Variants in GALNT17 observed in about 807,000 individuals in gnomAD.
The protein encoded by GALNT17 is UDP-GalNAc:polypeptide N-acetylgalactosaminyltransferase-like 3.
GALNT17 carries 29 observed loss-of-function variants against 63.7 expected under a neutral mutation model. That is an observed-to-expected ratio of 0.46 (90% CI 0.34 to 0.62). GALNT17 has a LOEUF of 0.62. Ranked by LOEUF, GALNT17 falls within the 20% of genes least tolerant of loss-of-function variation. GALNT17 has a pLI of 0.01. For missense variants in GALNT17, 603 were observed against 799.6 expected (o/e 0.75, Z 2.97); for synonymous variants, 305 against 318.3 (o/e 0.96, Z 0.45).
At chr7:71,329,903 G>GTA (rs1212568684) in intron 1 of GALNT17, among the ~76,000 whole-genome samples, 16 of 139,232 alleles carry the variant, frequency 1.1e-4, no homozygotes, top group Non-Finnish European at 1.7e-4. Context: ...ATATATATAT[G>GTA]TATATATATA....
At chr7:71,680,503 C>T (rs867348409) in intron 9 of GALNT17, among the ~76,000 whole-genome samples, 623 of 14,852 alleles carry the variant, frequency 0.042, no homozygotes, top group South Asian at 0.074. Context: ...TCCCTCTCTC[C>T]CTTCCTCCCT....
chr7:71,217,927 C>CAA (rs35568352), intron 1 of GALNT17, among the ~76,000 whole-genome samples: 48,084 of 142,432 alleles, frequency 0.34, 8,696 homozygotes, highest in South Asian at 0.52. Context: ...GACTCCGTCT[C>CAA]AAAAAAAAAA....
chr7:71,641,100 A>C lies in GALNT17; in HGVS notation c.1081-24311A>C, dbSNP rs543910338. Among the ~76,000 whole-genome samples the C allele has an allele frequency of 7.4e-4, 113 of 152,298 alleles. 1 individual carries two copies. Among genetic ancestry groups the C allele is most frequent in the African/African-American group, 2.6e-3 (108 of 41,562 alleles). On this transcript the variant is annotated intron_variant, in intron 6 of 10. Transcript: ENST00000333538. ...GGGAGCTGGGATGCAAGCAGCCCAG[A>C]CCAGAGGTCTGTCATTGGGAACCTG...
rs1563047568 is a variant in GALNT17, at chr7:71,377,112, A to AT, written c.423-11123_423-11122insT. 1.2e-4 allele frequency among the ~76,000 whole-genome samples: 7 copies of AT among 57,240 alleles called. 1 individual carries two copies. The East Asian group carries it at 1.7e-3, about 14-fold the overall frequency. The allele number at this position is 57,240 out of a possible 152,430, so 37.6% of individuals were successfully genotyped here. On this transcript the variant is annotated intron_variant, in intron 2 of 10. Coordinates refer to ENST00000333538, the MANE Select transcript of GALNT17 (RefSeq NM_022479.3). ...AAAAAAAAAAAAAATAAAAATAAAAAAAATATATATATATATATATATATA... is the reference window on the plus strand; with the variant it reads ...AAAAAAAAAAAAAATAAAAATAAAAATAAATATATATATATATATATATATA...
chr7:71,570,606 A>G (rs763192975), intron 5 of GALNT17, among the ~76,000 whole-genome samples: 9 of 152,094 alleles, frequency 5.9e-5, no homozygotes, highest in Non-Finnish European at 1.2e-4. Flanking sequence ...ATGTGTGCAG[A>G]CGCCATGGGA....
At chr7:71,589,444 C>G (rs1389173449) in intron 6 of GALNT17, among the ~76,000 whole-genome samples, 1 of 151,990 alleles carries the variant, frequency 6.6e-6, no homozygotes. Flanking sequence ...TGGTGGTGTG[C>G]CCTTGTAGTC....
intron 1 of GALNT17, among the ~76,000 whole-genome samples, chr7:71,216,597 T>G (rs1789484153): frequency 6.7e-6 from 1 of 149,400 alleles, no homozygotes; most frequent in Non-Finnish European, 1.5e-5. Flanking sequence ...CACATACATA[T>G]CTACACACAT....
intron 1 of GALNT17, among the ~76,000 whole-genome samples, chr7:71,197,523 G>A (rs1789077471): frequency 6.6e-6 from 1 of 151,832 alleles, no homozygotes; most frequent in South Asian, 2.1e-4. Flanking sequence ...GTACATTTAA[G>A]TAGTAGGTCT....
At chr7:71,358,547 G>T (rs922132647) in intron 2 of GALNT17, among the ~76,000 whole-genome samples, 21 of 152,238 alleles carry the variant, frequency 1.4e-4, no homozygotes, top group Non-Finnish European at 2.4e-4. Context: ...CCACTTTCTG[G>T]TTCCACAGTT....
intron 6 of GALNT17, among the ~76,000 whole-genome samples, chr7:71,589,026 G>A (rs1238417074): frequency 6.6e-6 from 1 of 152,148 alleles, no homozygotes; most frequent in African/African-American, 2.4e-5. Context: ...GGAAGTGAGT[G>A]TCAAGAAACA....
chr7:71,539,993 T>C (rs1788861889), intron 5 of GALNT17, among the ~76,000 whole-genome samples: 1 of 151,240 alleles, frequency 6.6e-6, no homozygotes, highest in Non-Finnish European at 1.5e-5. Context: ...AAGATCTTGC[T>C]GTGTTGCCGA....
chr7:71,548,003 G>A (rs963457686), intron 5 of GALNT17, among the ~76,000 whole-genome samples: 1 of 151,976 alleles, frequency 6.6e-6, no homozygotes, highest in African/African-American at 2.4e-5. Flanking sequence ...CAAGGCGGGT[G>A]GATTGCTTGA....
intron 6 of GALNT17, among the ~76,000 whole-genome samples, chr7:71,663,755 C>G (rs573334613): frequency 6.6e-6 from 1 of 152,154 alleles, no homozygotes; most frequent in African/African-American, 2.4e-5. Context: ...ATTCAGCCAA[C>G]AAAAGTCAAG....
chr7:71,566,621 G>A (rs540231390), intron 5 of GALNT17, among the ~76,000 whole-genome samples: 2 of 151,826 alleles, frequency 1.3e-5, no homozygotes, highest in South Asian at 4.2e-4. Flanking sequence ...TCTTCCAGAA[G>A]GAATCTTCCC....
At chr7:71,425,571 C>T (rs1476192866) in intron 5 of GALNT17, among the ~76,000 whole-genome samples, 1 of 152,118 alleles carries the variant, frequency 6.6e-6, no homozygotes, top group Non-Finnish European at 1.5e-5. Flanking sequence ...AAATCTCCTG[C>T]CTTCTAAATG....
At chr7:71,523,744 A>T (rs913251155) in intron 5 of GALNT17, among the ~76,000 whole-genome samples, 93 of 137,614 alleles carry the variant, frequency 6.8e-4, no homozygotes, top group African/African-American at 2.2e-3. Flanking sequence ...CCTGTCTCAA[A>T]AAATAAATAA....
chr7:71,372,901 A>G (rs1792651613), intron 2 of GALNT17, among the ~76,000 whole-genome samples: 1 of 152,206 alleles, frequency 6.6e-6, no homozygotes, highest in African/African-American at 2.4e-5. Flanking sequence ...TCCCCATGCT[A>G]GCTCCCAGAA....
At chr7:71,471,419 A>G (rs200664943) in intron 5 of GALNT17, among the ~76,000 whole-genome samples, 1 of 145,398 alleles carries the variant, frequency 6.9e-6, no homozygotes, top group Non-Finnish European at 1.5e-5. Flanking sequence ...AAAAAACAAA[A>G]AAAACCAAAA....
intron 6 of GALNT17, among the ~76,000 whole-genome samples, chr7:71,588,182 T>C (rs896487042): frequency 3.9e-4 from 60 of 152,360 alleles, no homozygotes; most frequent in African/African-American, 1.4e-3. Flanking sequence ...CATTATTTCA[T>C]ACTAATGTCT....
Sources: allele counts gnomAD v4.1 joint callset (sites outside exome capture counted in the v4.1 genomes callset), GRCh38; gene constraint gnomAD v4.1.1; transcripts MANE v1.5; gene names NCBI Gene and HGNC (gene_info 2026-07-23, HGNC 2026-07-21).